The following PBX1 variants were observed in gnomAD, a reference collection of about 807,000 sequenced individuals.
PBX1 encodes pre-B-cell leukemia transcription factor 1.
PBX1 carries 6 observed loss-of-function variants against 53.4 expected under a neutral mutation model. The ratio of observed to expected loss-of-function variants is 0.11; its 90% CI spans 0.06 to 0.22. The LOEUF (loss-of-function observed/expected upper bound fraction) is 0.22. Ranked by LOEUF, PBX1 falls within the 10% of genes least tolerant of loss-of-function variation. The pLI is 1.00. For missense variants in PBX1, 251 were observed against 551.4 expected, an observed-to-expected ratio of 0.46 and a Z score of 5.46; for synonymous variants, 204 against 212.3, an observed-to-expected ratio of 0.96 and a Z score of 0.34.
intron 2 of PBX1, among the ~76,000 whole-genome samples, chr1:164,695,293 C>T (rs934488132): frequency 6.6e-6 from 1 of 152,166 alleles, no homozygotes; most frequent in Non-Finnish European, 1.5e-5. Context: ...AATCTAAACT[C>T]CTTTGCATAA....
chr1:164,808,927 TGGGAAAC>T (rs921469957), intron 5 of PBX1, among the ~76,000 whole-genome samples: 1 of 152,210 alleles, frequency 6.6e-6, no homozygotes, highest in Non-Finnish European at 1.5e-5. Flanking sequence ...TTGACAGTTC[TGGGAAAC>T]GGGAACGTCA....
At chr1:164,810,273 A>G (rs1669542437) in intron 5 of PBX1, among the ~76,000 whole-genome samples, 1 of 152,164 alleles carries the variant, frequency 6.6e-6, no homozygotes, top group South Asian at 2.1e-4. Context: ...CTAGTGCCTA[A>G]CGCGTATTAG....
At chr1:164,739,559 T>G (rs1306025376) in intron 2 of PBX1, among the ~76,000 whole-genome samples, 1 of 152,204 alleles carries the variant, frequency 6.6e-6, no homozygotes, top group Non-Finnish European at 1.5e-5. Flanking sequence ...TCAAAAGAAA[T>G]GAGCATTTTT....
At chr1:164,663,579 C>G (rs941599763) in intron 2 of PBX1, among the ~76,000 whole-genome samples, 1 of 152,126 alleles carries the variant, frequency 6.6e-6, no homozygotes. Flanking sequence ...AAAAGTAAAG[C>G]TATATCAAAG....
chr1:164,562,402 T>C (rs1553207115), intron 1 of PBX1, among the ~76,000 whole-genome samples: 1 of 150,986 alleles, frequency 6.6e-6, no homozygotes, highest in Non-Finnish European at 1.5e-5. Context: ...AGTGGTTCCA[T>C]AATAAAATAG....
chr1:164,649,877 A>G (rs1368757098), intron 2 of PBX1, among the ~76,000 whole-genome samples: 2 of 152,142 alleles, frequency 1.3e-5, no homozygotes, highest in African/African-American at 2.4e-5. Context: ...GTCCCTTCTC[A>G]TAATAACATT....
rs567330020 is a variant in PBX1, at chr1:164,849,823, C to T, written c.*3147C>T. On this transcript the variant is annotated 3_prime_UTR_variant, in exon 9 of 9. Coordinates refer to ENST00000420696, the MANE Select transcript of PBX1 (RefSeq NM_002585.4). ...TTTCTCTCTGTCTCTCTCTTTCCTG[C>T]TCTTTGTTTTTCTGCCCAGAAAAAC... The T allele has an allele frequency of 1.7e-5, 4 of 233,490 alleles. No homozygotes were observed. The South Asian group carries it at 5.4e-4, about 32-fold the overall frequency. 14.5% of individuals were successfully genotyped at this position (233,490 alleles called of 1,614,324 possible).
chr1:164,869,200 G>A (rs931447385), intron 2 of PBX1, among the ~76,000 whole-genome samples: 3 of 152,240 alleles, frequency 2.0e-5, no homozygotes, highest in South Asian at 2.1e-4. Flanking sequence ...GCCCGATCTC[G>A]TCAGAACACT....
rs1466947033 is a variant in PBX1, at chr1:164,560,019, A to G, written c.191+6A>G. On this transcript the variant is annotated splice_donor_region_variant and intron_variant, in intron 1 of 8. Transcript: ENST00000420696. ...TTGGATGAGGCGCAGGCCAGGTGAGATGGAGGCTTTTCTTTTCCTTTCTTG... is the reference window on the plus strand; with the variant it reads ...TTGGATGAGGCGCAGGCCAGGTGAGGTGGAGGCTTTTCTTTTCCTTTCTTG... 3.7e-6 allele frequency: 5 copies of G among 1,366,394 alleles called. No individual in the cohort carries two copies. In the South Asian group the frequency reaches 9.2e-5, roughly 25 times the overall value. 84.6% of individuals were successfully genotyped at this position (1,366,394 alleles called of 1,614,324 possible).
chr1:164,712,485 G>A (rs979430191), intron 2 of PBX1, among the ~76,000 whole-genome samples: 1 of 152,198 alleles, frequency 6.6e-6, no homozygotes, highest in Non-Finnish European at 1.5e-5. Flanking sequence ...GCAGATCTGT[G>A]AGCACAGGAG....
At chr1:164,871,866 T>TATAA (rs751755845) in intron 2 of PBX1, among the ~76,000 whole-genome samples, 123,013 of 152,050 alleles carry the variant, frequency 0.81, 50,535 homozygotes, top group Middle Eastern at 0.93. Context: ...TCATAGCACA[T>TATAA]GTTTAAACAA....
At chr1:164,583,721 T>C (rs912489514) in intron 2 of PBX1, among the ~76,000 whole-genome samples, 3 of 152,214 alleles carry the variant, frequency 2.0e-5, no homozygotes, top group Non-Finnish European at 4.4e-5. Flanking sequence ...TTATTAGAAA[T>C]AATGTTTACC....
chr1:164,653,425 GGT>G (rs1452344747), intron 2 of PBX1, among the ~76,000 whole-genome samples: 10 of 151,960 alleles, frequency 6.6e-5, no homozygotes, highest in African/African-American at 2.4e-4. Flanking sequence ...AGAGCACATG[GGT>G]GATGGCCTGG....
chr1:164,562,830 C>CGA (rs1342296479), intron 1 of PBX1: 1 of 152,868 alleles, frequency 6.5e-6, no homozygotes, highest in African/African-American at 2.4e-5. Context: ...ACACACAGAC[C>CGA]GAGAGGCAGA....
At chr1:164,674,425 T>C (rs186729813) in intron 2 of PBX1, 6 of 152,336 alleles carry the variant, frequency 3.9e-5, no homozygotes, top group Admixed American at 3.3e-4. Flanking sequence ...AAAGTCACCA[T>C]TGCTTTGCTG....
intron 2 of PBX1, among the ~76,000 whole-genome samples, chr1:164,736,739 A>G (rs1200456974): frequency 3.9e-5 from 6 of 152,146 alleles, no homozygotes; most frequent in Non-Finnish European, 7.4e-5. Flanking sequence ...GCAAAACAGG[A>G]TGGAAAGAAA....
downstream of PBX1, among the ~76,000 whole-genome samples, chr1:164,853,773 G>GC (rs1671914510): frequency 6.6e-6 from 1 of 152,052 alleles, no homozygotes; most frequent in Admixed American, 6.6e-5. Context: ...AAGTCTGGCA[G>GC]CCAGCAGTCA....
chr1:164,770,653 T>C (rs970375337), intron 2 of PBX1: 1 of 152,222 alleles, frequency 6.6e-6, no homozygotes, highest in Admixed American at 6.5e-5. Flanking sequence ...CGTCTCTAAC[T>C]GTTTGTACTG....
intron 2 of PBX1, among the ~76,000 whole-genome samples, chr1:164,651,461 G>A (rs1285933518): frequency 1.3e-5 from 2 of 152,024 alleles, no homozygotes; most frequent in African/African-American, 4.8e-5. Flanking sequence ...CACAGAGAGC[G>A]GGCCCTGCAG....
Sources: allele counts gnomAD v4.1 joint callset (sites outside exome capture counted in the v4.1 genomes callset), GRCh38; gene constraint gnomAD v4.1.1; transcripts MANE v1.5; gene names NCBI Gene and HGNC (gene_info 2026-07-23, HGNC 2026-07-21).